Variants in DDX60 observed in about 807,000 individuals in gnomAD.
DDX60 encodes DExD/H-box helicase 60.
DDX60 carries 165 observed loss-of-function variants against 212.8 expected under a neutral mutation model. That is an observed-to-expected ratio of 0.78 (90% CI 0.68 to 0.88). The LOEUF (loss-of-function observed/expected upper bound fraction) is 0.88. Ranked by LOEUF, DDX60 falls within the 40% of genes least tolerant of loss-of-function variation. The pLI is 0.00. For missense variants in DDX60, 1,905 were observed against 2,003.9 expected, an observed-to-expected ratio of 0.95 and a Z score of 0.94; for synonymous variants, 703 against 685.3, an observed-to-expected ratio of 1.03 and a Z score of -0.40.
intron 15 of DDX60, 45 bp downstream of exon 15, chr4:168,275,970 C>A (rs1304479441): frequency 1.3e-6 from 2 of 1,505,212 alleles, no homozygotes; most frequent in South Asian, 1.4e-5. Flanking sequence ...TTTATGTATA[C>A]CTAATAATTA....
At chr4:168,229,142 C>G (rs748895506) in intron 33 of DDX60, among the ~76,000 whole-genome samples, 2 of 152,112 alleles carry the variant, frequency 1.3e-5, no homozygotes, top group Non-Finnish European at 2.9e-5. Context: ...ATCCACAGAC[C>G]CTTTCAAAGA....
intron 33 of DDX60, among the ~76,000 whole-genome samples, chr4:168,227,332 T>C (rs1238222307): frequency 2.0e-5 from 3 of 151,984 alleles, no homozygotes; most frequent in East Asian, 1.9e-4. Flanking sequence ...TTTGTCTAAA[T>C]AGTCAAATAC....
chr4:168,237,382 C>G lies in DDX60; in HGVS notation c.4315G>C (p.Val1439Leu), dbSNP rs367825763. Residue 1439 changes from valine (V) to leucine (L), a missense_variant, in exon 32 of 38, where the codon GTA (valine) becomes CTA (leucine). By Grantham distance (32) the Val-to-Leu change is conservative (BLOSUM62 1). Transcript: ENST00000393743. Reference sequence around the variant, plus strand: ...GGTTCATGATAATGCAAATGTGATACAAGTCCAGCAAACCCCATAGGATTA... The same window carrying G: ...GGTTCATGATAATGCAAATGTGATAGAAGTCCAGCAAACCCCATAGGATTA... The part of the protein sequence containing the change: ...EGNPMGFAGL[V>L]SHLHYHEPSN... The G allele has an allele frequency of 3.8e-6, 6 of 1,597,462 alleles. No homozygotes were observed. Among genetic ancestry groups the G allele is most frequent in the Non-Finnish European group, 5.1e-6 (6 of 1,172,498 alleles).
chr4:168,237,826 A>G, intron 30 of DDX60, 31 bp from the exon 31 acceptor site: 2 of 1,501,126 alleles, frequency 1.3e-6, no homozygotes, highest in Non-Finnish European at 9.2e-7. Flanking sequence ...TTAGACACAC[A>G]ATGTTAAGTG....
At chr4:168,278,409 C>T (rs1192197671) in intron 14 of DDX60, among the ~76,000 whole-genome samples, 1 of 152,146 alleles carries the variant, frequency 6.6e-6, no homozygotes, top group Admixed American at 6.5e-5. Context: ...CACCTGAAAG[C>T]ATTGAATCTG....
chr4:168,217,207 A>T (rs896217814), intron 37 of DDX60, among the ~76,000 whole-genome samples, 175 bp from the exon 38 acceptor site: 1 of 152,204 alleles, frequency 6.6e-6, no homozygotes, highest in African/African-American at 2.4e-5. Flanking sequence ...TGTATAAAAA[A>T]TTTAAGAAAA....
At position 168,283,303 on chromosome 4, in the gene DDX60, T is replaced by A. The variant is rs1735674076; in HGVS notation, c.1722+143A>T. On this transcript the variant is annotated intron_variant, in intron 13 of 37. Coordinates refer to ENST00000393743, the MANE Select transcript of DDX60 (RefSeq NM_017631.6). ...GCTTTTTCAGCAAGAGGTAAAAGAA[T>A]AAGTAATCATATACAAAAATATATG... 7 of 689,332 alleles carry A rather than the reference T, an allele frequency of 1.0e-5. No homozygotes were observed. In the South Asian group the frequency reaches 1.3e-4, roughly 13 times the overall value. The allele number at this position is 689,332 out of a possible 1,614,324, so 42.7% of individuals were successfully genotyped here. A position where few individuals can be genotyped will look rare whatever the true frequency, so the allele number is the denominator to read the frequency against.
intron 14 of DDX60, among the ~76,000 whole-genome samples, chr4:168,279,078 G>A (rs1013262268): frequency 2.6e-5 from 4 of 152,130 alleles, no homozygotes; most frequent in Non-Finnish European, 4.4e-5. Flanking sequence ...CTGGTACTAG[G>A]TGGCAATGCT....
At position 168,296,346 on chromosome 4, in the gene DDX60, G is replaced by A. The variant is rs181983122; in HGVS notation, c.724-2401C>T. On this transcript the variant is annotated intron_variant, in intron 6 of 37. Transcript: ENST00000393743. ...AACTATTTAAAAGGAACTACCTAAGGGGACAATTTTCTGAAAACAGGTTTG... is the reference window on the plus strand; with the variant it reads ...AACTATTTAAAAGGAACTACCTAAGAGGACAATTTTCTGAAAACAGGTTTG... Among the ~76,000 whole-genome samples, 3 of 151,852 alleles carry A rather than the reference G, an allele frequency of 2.0e-5. No homozygotes were observed. In the East Asian group the frequency reaches 5.8e-4, roughly 29 times the overall value.
In DDX60 at chr4:168,285,598, T is replaced by C. The variant is rs913957909; in HGVS notation, c.1340-100A>G. ...CTAAAACTTCATATTAAAAACATTTTATATTAATCTTATTTACATATATCA... is the reference window on the plus strand; with the variant it reads ...CTAAAACTTCATATTAAAAACATTTCATATTAATCTTATTTACATATATCA... On this transcript the variant is annotated intron_variant, in intron 10 of 37. Transcript: ENST00000393743. 17 of 704,770 alleles carry C rather than the reference T, an allele frequency of 2.4e-5. 1 individual carries two copies. In the Admixed American group the frequency reaches 5.1e-4, roughly 21 times the overall value. The allele number at this position is 704,770 out of a possible 1,614,324, so 43.7% of individuals were successfully genotyped here. A position where few individuals can be genotyped will look rare whatever the true frequency, so the allele number is the denominator to read the frequency against.
chr4:168,222,269 C>T (rs1044389744), intron 35 of DDX60, among the ~76,000 whole-genome samples: 4 of 152,064 alleles, frequency 2.6e-5, no homozygotes, highest in Admixed American at 6.6e-5. Context: ...TTCAATTGAA[C>T]AACTCTAACA....
chr4:168,317,057 C>CAAAAAAAA (rs34647800), intron 1 of DDX60, among the ~76,000 whole-genome samples: 4 of 49,802 alleles, frequency 8.0e-5, no homozygotes, highest in African/African-American at 3.8e-4. Flanking sequence ...GACTCCGTCT[C>CAAAAAAAA]AAAAAAAAAA....
chr4:168,301,324 C>G (rs1040379740), intron 6 of DDX60, among the ~76,000 whole-genome samples: 1 of 151,032 alleles, frequency 6.6e-6, no homozygotes, highest in South Asian at 2.2e-4. Context: ...GTTTTCAGAT[C>G]TGAACTTCTA....
chr4:168,221,386 T>C (rs1733044948), intron 36 of DDX60, among the ~76,000 whole-genome samples: 1 of 152,202 alleles, frequency 6.6e-6, no homozygotes, highest in African/African-American at 2.4e-5. Flanking sequence ...ATGCCATTAT[T>C]TGTTATTCAG....
At chr4:168,273,450 T>C (rs1430520408) in intron 17 of DDX60, 52 bp from the exon 18 acceptor site, 1 of 1,603,876 alleles carries the variant, frequency 6.2e-7, no homozygotes, top group Non-Finnish European at 8.5e-7. Context: ...AGAGGTGAAA[T>C]ATCAGAGGAC....
chr4:168,315,026 G>T (rs1737303232), intron 1 of DDX60, among the ~76,000 whole-genome samples: 1 of 152,168 alleles, frequency 6.6e-6, no homozygotes, highest in African/African-American at 2.4e-5. Context: ...TTTAAGAAAT[G>T]AACACTGTTG....
chr4:168,317,554 C>T (rs978337278), intron 1 of DDX60, among the ~76,000 whole-genome samples: 2 of 152,144 alleles, frequency 1.3e-5, no homozygotes, highest in Admixed American at 1.3e-4. Context: ...TGAAAGGCAT[C>T]AAGCTCCTGA....
At chr4:168,241,358 G>C (rs1009148853) in intron 30 of DDX60, among the ~76,000 whole-genome samples, 1 of 152,152 alleles carries the variant, frequency 6.6e-6, no homozygotes, top group Non-Finnish European at 1.5e-5. Context: ...GCAGAAATTG[G>C]AACAGTTTGG....
At chr4:168,225,416 C>A in intron 34 of DDX60, 113 bp downstream of exon 34, 1 of 1,170,628 alleles carries the variant, frequency 8.5e-7, no homozygotes, top group Non-Finnish European at 1.2e-6. Flanking sequence ...AATCTCCTCA[C>A]TTGAGGGCAA....
Sources: gnomAD v4.1 joint callset for allele counts (sites outside exome capture counted in the v4.1 genomes callset) on GRCh38, gnomAD v4.1.1 for gene constraint, MANE v1.5 for transcripts, NCBI Gene and HGNC (gene_info 2026-07-23, HGNC 2026-07-21) for gene names.